Variants in LEKR1 observed in about 807,000 individuals in gnomAD.
LEKR1 encodes leucine, glutamate and lysine rich 1, also known as protein LEKR1.
A neutral mutation model predicts 72.4 loss-of-function variants in LEKR1; 59 were observed. The ratio of observed to expected loss-of-function variants is 0.82; its 90% CI spans 0.66 to 1.01. The LOEUF (loss-of-function observed/expected upper bound fraction) is 1.01. Among genes scored for constraint, LEKR1 ranks in the 50% least tolerant of loss-of-function variants. The pLI, the probability that LEKR1 is intolerant of heterozygous loss-of-function variation, is 0.00. For synonymous variants in LEKR1, 257 were observed against 263.2 expected, an observed-to-expected ratio of 0.98 and a Z score of 0.23; for missense variants, 728 against 759.2, an observed-to-expected ratio of 0.96 and a Z score of 0.48.
intron 2 of LEKR1, among the ~76,000 whole-genome samples, chr3:156,836,040 A>C (rs1268510971): frequency 6.6e-6 from 1 of 151,576 alleles, no homozygotes; most frequent in Non-Finnish European, 1.5e-5. Flanking sequence ...TGCCTGGCTG[A>C]TTTTTGTATT....
chr3:156,831,412 A>T (rs1415365836), intron 2 of LEKR1, among the ~76,000 whole-genome samples: 1 of 152,192 alleles, frequency 6.6e-6, no homozygotes, highest in African/African-American at 2.4e-5. Context: ...TTTTACAAAG[A>T]TGGCTTAGTT....
rs1203594918 is a variant in LEKR1 at position 156,942,035 on chromosome 3, T to C, written c.560-494T>C. Among the ~76,000 whole-genome samples, 5 of 152,042 alleles carry C rather than the reference T, an allele frequency of 3.3e-5. 1 individual carries two copies. In the East Asian group the frequency reaches 9.6e-4, roughly 29 times the overall value. Reference sequence around the variant, plus strand: ...AACTAATGCTTTCTTCCCCTAAATTTATTAGTTTTAGACACTACATCCTTC... The same window carrying C: ...AACTAATGCTTTCTTCCCCTAAATTCATTAGTTTTAGACACTACATCCTTC... On this transcript the variant is annotated intron_variant, in intron 5 of 12. Coordinates refer to ENST00000356539, the MANE Select transcript of LEKR1 (RefSeq NM_001004316.3).
chr3:157,029,090 G>A (rs910236100), intron 12 of LEKR1, among the ~76,000 whole-genome samples: 4 of 152,168 alleles, frequency 2.6e-5, no homozygotes, highest in African/African-American at 9.7e-5. Context: ...AAGGTAAATG[G>A]AGGAAGATTC....
At chr3:156,950,868 G>A (rs1403777775) in intron 6 of LEKR1, among the ~76,000 whole-genome samples, 1 of 151,362 alleles carries the variant, frequency 6.6e-6, no homozygotes, top group Non-Finnish European at 1.5e-5. Context: ...TCTTTCTCTT[G>A]CCTGATTGCT....
intron 12 of LEKR1, among the ~76,000 whole-genome samples, chr3:157,031,502 T>C (rs1032458199): frequency 1.3e-5 from 2 of 152,064 alleles, no homozygotes; most frequent in Admixed American, 1.3e-4. Flanking sequence ...AGTAAATAAT[T>C]AAGGCTGCTT....
intron 6 of LEKR1, among the ~76,000 whole-genome samples, chr3:156,970,661 C>T (rs1177002155): frequency 2.0e-5 from 3 of 152,094 alleles, no homozygotes; most frequent in Non-Finnish European, 2.9e-5. Context: ...GATACAAAAT[C>T]AATGTGCAAA....
chr3:157,002,168 T>G (rs1732066847), intron 9 of LEKR1, among the ~76,000 whole-genome samples: 1 of 152,164 alleles, frequency 6.6e-6, no homozygotes, highest in Admixed American at 6.5e-5. Flanking sequence ...CATCAACATC[T>G]CTTGAACTGG....
At chr3:156,994,302 C>T (rs1022803046) in intron 9 of LEKR1, among the ~76,000 whole-genome samples, 2 of 152,062 alleles carry the variant, frequency 1.3e-5, no homozygotes, top group African/African-American at 4.8e-5. Context: ...TGTCTCAGAA[C>T]TCTTTCTTGC....
At position 156,927,671 on chromosome 3, in the gene LEKR1, T is replaced by G. The variant is rs978728296; in HGVS notation, c.559+67T>G. 45 of 594,228 alleles carry G rather than the reference T, an allele frequency of 7.6e-5. No individual in the cohort carries two copies. The African/African-American group carries it at 8.4e-4, about 11-fold the overall frequency. The allele number at this position is 594,228 out of a possible 1,614,324, so 36.8% of individuals were successfully genotyped here. A position where few individuals can be genotyped will look rare whatever the true frequency, so the allele number is the denominator to read the frequency against. On this transcript the variant is annotated intron_variant, in intron 5 of 12. Coordinates refer to ENST00000356539, the MANE Select transcript of LEKR1 (RefSeq NM_001004316.3). The stretch of plus-strand genomic sequence containing the variant: ...AAATGGTACATCATAAGTAATAAAA[T>G]AATGATATTTCATTTTATTTGATGG...
At chr3:156,986,261 G>T (rs184454676) in intron 7 of LEKR1, among the ~76,000 whole-genome samples, 1 of 152,332 alleles carries the variant, frequency 6.6e-6, no homozygotes, top group African/African-American at 2.4e-5. Context: ...GAGGAGTTTG[G>T]ATTTATAAGG....
chr3:157,027,975 C>A, intron 11 of LEKR1, 128 bp from the exon 12 acceptor site: 1 of 550,464 alleles, frequency 1.8e-6, no homozygotes, highest in African/African-American at 1.9e-5. Context: ...GCCTGCACAT[C>A]ATGGGTTTGG....
At chr3:156,882,149 A>G (rs1263473240) in intron 3 of LEKR1, among the ~76,000 whole-genome samples, 1 of 151,436 alleles carries the variant, frequency 6.6e-6, no homozygotes, top group Non-Finnish European at 1.5e-5. Flanking sequence ...AAATTGACAA[A>G]TGGGATCTAA....
Position 156,839,974 on chromosome 3 carries a change from C to T in LEKR1, c.48+10597C>T, listed in dbSNP as rs137933292. 9.0e-3 allele frequency among the ~76,000 whole-genome samples: 1,372 copies of T among 152,258 alleles called. 10 individuals are homozygous for T. Among genetic ancestry groups the T allele is most frequent in the Middle Eastern group, 0.024 (7 of 294 alleles). ...TTCCACTTTCTCCACCTGTGTCATC[C>T]CTGAGACAGCAACACCAACCCCTCC... On this transcript the variant is annotated intron_variant, in intron 2 of 12. Coordinates refer to ENST00000356539, the MANE Select transcript of LEKR1 (RefSeq NM_001004316.3).
At chr3:157,022,826 T>G (rs1007000207) in intron 10 of LEKR1, among the ~76,000 whole-genome samples, 2 of 152,244 alleles carry the variant, frequency 1.3e-5, no homozygotes, top group African/African-American at 4.8e-5. Context: ...TCTGTAATTC[T>G]GTAATGTTGC....
chr3:156,851,735 G>A (rs1468595005), intron 2 of LEKR1, among the ~76,000 whole-genome samples: 1 of 151,952 alleles, frequency 6.6e-6, no homozygotes, highest in East Asian at 1.9e-4. Flanking sequence ...AGATATGGTG[G>A]CATTACTATT....
In LEKR1 at chr3:157,016,517, AG is replaced by A. The variant is rs1172143141; in HGVS notation, c.1203+5012del. 5.9e-5 allele frequency among the ~76,000 whole-genome samples: 9 copies of A among 152,246 alleles called. No homozygotes were observed. In the East Asian group the frequency reaches 1.7e-3, roughly 29 times the overall value. On this transcript the variant is annotated intron_variant, in intron 10 of 12. Coordinates refer to ENST00000356539, the MANE Select transcript of LEKR1 (RefSeq NM_001004316.3). ...TCTTTCAAATATGAGAGTAAAATGA[AG>A]ACTTCTTCAGAAAGCACTGAAAAAA...
At chr3:156,883,072 C>A (rs1193198627) in intron 3 of LEKR1, among the ~76,000 whole-genome samples, 1 of 151,940 alleles carries the variant, frequency 6.6e-6, no homozygotes, top group Non-Finnish European at 1.5e-5. Context: ...TTAGTGGGTG[C>A]AGCACACCAG....
intron 9 of LEKR1, among the ~76,000 whole-genome samples, chr3:157,007,036 A>T (rs1374486293): frequency 6.7e-6 from 1 of 149,964 alleles, no homozygotes; most frequent in Non-Finnish European, 1.5e-5. Context: ...CGTCTCTACT[A>T]AAAAAATACA....
At chr3:156,912,082 A>G (rs1723168595) in intron 3 of LEKR1, among the ~76,000 whole-genome samples, 1 of 152,054 alleles carries the variant, frequency 6.6e-6, no homozygotes, top group Admixed American at 6.6e-5. Context: ...GAAATGTACC[A>G]ATTTATACTC....
Sources: allele counts gnomAD v4.1 joint callset (sites outside exome capture counted in the v4.1 genomes callset), GRCh38; gene constraint gnomAD v4.1.1; transcripts MANE v1.5; gene names NCBI Gene and HGNC (gene_info 2026-07-23, HGNC 2026-07-21).